NTNG2: variants seen among roughly 807,000 people sequenced by gnomAD.
NTNG2 encodes the protein netrin-G2.
Under a neutral mutation model 47.6 loss-of-function variants are expected in NTNG2, and 15 were observed. That is an observed-to-expected ratio of 0.32 (90% CI 0.21 to 0.49). The LOEUF is 0.49. NTNG2 is among the 20% of genes least tolerant of loss of function. The pLI is 0.99. For missense variants in NTNG2, 578 were observed against 764.6 expected, an observed-to-expected ratio of 0.76 and a Z score of 2.88; for synonymous variants, 307 against 324.6, an observed-to-expected ratio of 0.95 and a Z score of 0.58.
chr9:132,183,892 T>G (rs1160150381), intron 2 of NTNG2, among the ~76,000 whole-genome samples: 2 of 152,130 alleles, frequency 1.3e-5, no homozygotes, highest in Non-Finnish European at 2.9e-5. Context: ...AGCTTTCAAT[T>G]TGGAGTAGAA....
intron 2 of NTNG2, among the ~76,000 whole-genome samples, chr9:132,171,897 C>A (rs1835946690): frequency 6.6e-6 from 1 of 152,248 alleles, no homozygotes; most frequent in Non-Finnish European, 1.5e-5. Context: ...GCCGTCACAA[C>A]CCTCCAGTCG....
intron 2 of NTNG2, among the ~76,000 whole-genome samples, chr9:132,167,680 G>A (rs1179685452): frequency 6.6e-6 from 1 of 152,180 alleles, no homozygotes; most frequent in African/African-American, 2.4e-5. Context: ...GTCGGGGGAA[G>A]GCAGACATTC....
chr9:132,202,162 G>C (rs1251243852), intron 3 of NTNG2, among the ~76,000 whole-genome samples: 1 of 152,214 alleles, frequency 6.6e-6, no homozygotes, highest in Admixed American at 6.5e-5. Flanking sequence ...TTGAATTGAA[G>C]GTTCTTTGAT....
chr9:132,225,915 C>T (rs1032887764), intron 3 of NTNG2, among the ~76,000 whole-genome samples: 1 of 152,154 alleles, frequency 6.6e-6, no homozygotes, highest in Non-Finnish European at 1.5e-5. Context: ...CCCCTGGTGT[C>T]GTTCAGGGTG....
chr9:132,235,559 G>C (rs1841557657), intron 5 of NTNG2, among the ~76,000 whole-genome samples: 1 of 152,204 alleles, frequency 6.6e-6, no homozygotes. Context: ...AGGGGCCTGT[G>C]GGGTGCGGGG....
chr9:132,234,773 A>G (rs1340427644), intron 5 of NTNG2, among the ~76,000 whole-genome samples: 1 of 152,334 alleles, frequency 6.6e-6, no homozygotes, highest in Non-Finnish European at 1.5e-5. Context: ...GCCCTTGCCA[A>G]TTTGGGCCTG....
At chr9:132,191,818 G>A (rs1004121282) in intron 2 of NTNG2, among the ~76,000 whole-genome samples, 4 of 152,116 alleles carry the variant, frequency 2.6e-5, no homozygotes, top group African/African-American at 7.2e-5. Context: ...ATATCCACCC[G>A]CCTCAGCCTC....
chr9:132,223,886 G>A (rs7022678), intron 3 of NTNG2, among the ~76,000 whole-genome samples: 8 of 151,878 alleles, frequency 5.3e-5, no homozygotes, highest in African/African-American at 9.7e-5. Context: ...GTAAAATCCC[G>A]CCTCCGTCTC....
At chr9:132,202,700 C>G (rs1418944556) in intron 3 of NTNG2, among the ~76,000 whole-genome samples, 1 of 152,202 alleles carries the variant, frequency 6.6e-6, no homozygotes, top group Non-Finnish European at 1.5e-5. Context: ...CTCCACACAA[C>G]CATTAAGAGA....
At position 132,242,167 on chromosome 9, in the gene NTNG2, G is replaced by C. The variant is rs1429018492; in HGVS notation, c.*56G>C. 3 of 892,210 alleles carry C rather than the reference G, an allele frequency of 3.4e-6. No homozygotes were observed. The highest frequency in any genetic ancestry group is 1.8e-5 in the African/African-American group (1 of 55,726). 55.3% of individuals were successfully genotyped at this position (892,210 alleles called of 1,614,324 possible). ...GAGGCCGGGGGTCCCGGGGTCCCGG[G>C]GCGGGGCCGGCGTCCGAGGCCGGGC... is the stretch of plus-strand genomic sequence containing the variant. On this transcript the variant is annotated 3_prime_UTR_variant, in exon 8 of 8. Transcript: ENST00000393229. This position sits in a 1 kb window ranked among gnomAD's most constrained non-coding sequence, Gnocchi z 5.9.
Position 132,226,650 on chromosome 9 carries a change from G to A in NTNG2, c.858-199G>A, listed in dbSNP as rs536380991. ...GCAGTGACTGCAGGTGTGGCCTTTG[G>A]AACACGGCGTTGATCTCTCTGCAGG... is the stretch of plus-strand genomic sequence containing the variant. On this transcript the variant is annotated intron_variant, in intron 3 of 7. Transcript: ENST00000393229. The surrounding 1 kb of genome is among the most constrained non-coding windows in gnomAD (Gnocchi z 4.8). 2.0e-5 allele frequency among the ~76,000 whole-genome samples: 3 copies of A among 152,376 alleles called. No homozygotes were observed. Among genetic ancestry groups the A allele is most frequent in the Admixed American group, 2.0e-4 (3 of 15,308 alleles).
chr9:132,194,448 C>G (rs777245247), intron 2 of NTNG2, among the ~76,000 whole-genome samples: 6 of 152,242 alleles, frequency 3.9e-5, no homozygotes, highest in Non-Finnish European at 7.3e-5. Flanking sequence ...GGCAACAGCA[C>G]AGGACAGGGT....
At chr9:132,216,434 G>A (rs866590936) in intron 3 of NTNG2, among the ~76,000 whole-genome samples, 10 of 129,508 alleles carry the variant, frequency 7.7e-5, no homozygotes, top group Admixed American at 6.1e-4. Context: ...GTGTATGTGT[G>A]TGTGTGTGTG....
At chr9:132,183,700 G>A (rs1423267466) in intron 2 of NTNG2, among the ~76,000 whole-genome samples, 1 of 152,222 alleles carries the variant, frequency 6.6e-6, no homozygotes, top group Non-Finnish European at 1.5e-5. Context: ...ATCTGGCTCA[G>A]GGGCTCTTGG....
rs943018114 is a variant in NTNG2 at position 132,162,716 on chromosome 9, T to A, written c.-484+477T>A. Among the ~76,000 whole-genome samples, 1 of 151,336 alleles carries A rather than the reference T, an allele frequency of 6.6e-6. No individual in the cohort carries two copies. Among genetic ancestry groups the A allele is most frequent in the Non-Finnish European group, 1.5e-5 (1 of 67,822 alleles). On this transcript the variant is annotated intron_variant, in intron 1 of 7. Coordinates refer to ENST00000393229, the MANE Select transcript of NTNG2 (RefSeq NM_032536.4). The surrounding 1 kb of genome is among the most constrained non-coding windows in gnomAD (Gnocchi z 4.6). ...CCACCCCAATTCCACCGCCACCGCT[T>A]AGAGCCACCCCCATCCCGTGCCCTC...
chr9:132,183,048 T>C (rs188872343), intron 2 of NTNG2, among the ~76,000 whole-genome samples: 47 of 152,294 alleles, frequency 3.1e-4, no homozygotes, highest in African/African-American at 1.0e-3. Context: ...GCCTGAAGCA[T>C]CTTGTCGTCT....
At chr9:132,220,311 C>T (rs1288584731) in intron 3 of NTNG2, among the ~76,000 whole-genome samples, 1 of 152,142 alleles carries the variant, frequency 6.6e-6, no homozygotes, top group South Asian at 2.1e-4. Flanking sequence ...ACTTTCCTGA[C>T]AGTGTCCTCT....
At chr9:132,237,872 G>A (rs919705854) in intron 5 of NTNG2, among the ~76,000 whole-genome samples, 4 of 152,210 alleles carry the variant, frequency 2.6e-5, no homozygotes, top group Admixed American at 6.5e-5. Context: ...TGCTCTTTGG[G>A]ACACTTAGAG....
At chr9:132,196,482 G>A (rs948728039) in intron 2 of NTNG2, among the ~76,000 whole-genome samples, 4 of 152,134 alleles carry the variant, frequency 2.6e-5, no homozygotes, top group South Asian at 4.1e-4. Flanking sequence ...GTGAGCCACC[G>A]CGCCCAGCCT....
Sources: gnomAD v4.1 joint callset for allele counts (sites outside exome capture counted in the v4.1 genomes callset) on GRCh38, gnomAD v4.1.1 for gene constraint, Gnocchi (gnomAD v3.1) non-coding constraint, MANE v1.5 for transcripts, NCBI Gene and HGNC (gene_info 2026-07-23, HGNC 2026-07-21) for gene names.